The following TENM2 variants were observed in gnomAD, a reference collection of about 807,000 sequenced individuals.
TENM2 encodes the protein teneurin-2.
TENM2 carries 52 observed loss-of-function variants against 245.2 expected under a neutral mutation model. That is an observed-to-expected ratio of 0.21 (90% CI 0.17 to 0.27). TENM2 has a LOEUF of 0.27. Among genes scored for constraint, TENM2 ranks in the 10% least tolerant of loss-of-function variants. TENM2 has a pLI of 1.00. For synonymous variants in TENM2, 1,363 were observed against 1,438.9 expected (o/e 0.95, Z 1.19); for missense variants, 3,046 against 3,666.8 (o/e 0.83, Z 4.37).
At chr5:168,135,312 C>T (rs1754950784) in intron 12 of TENM2, among the ~76,000 whole-genome samples, 1 of 152,198 alleles carries the variant, frequency 6.6e-6, no homozygotes, top group Non-Finnish European at 1.5e-5. Flanking sequence ...ATGTAAGCAG[C>T]AGACTTTATT....
intron 2 of TENM2, among the ~76,000 whole-genome samples, chr5:167,709,423 C>T (rs2150477049): frequency 6.6e-6 from 1 of 152,318 alleles, no homozygotes; most frequent in East Asian, 1.9e-4. Flanking sequence ...AACGTGTTGT[C>T]TCTTCCCTGA....
At chr5:167,165,792 ATACCTTT>A in the TENM2 span, among the ~76,000 whole-genome samples, 1 of 152,220 alleles carries the variant, frequency 6.6e-6, no homozygotes, top group Admixed American at 6.5e-5. Flanking sequence ...ACAAATAATC[ATACCTTT>A]TATAAAAGTT....
intron 2 of TENM2, among the ~76,000 whole-genome samples, chr5:167,727,090 G>A (rs1449542817): frequency 1.4e-5 from 2 of 146,412 alleles, no homozygotes; most frequent in East Asian, 2.1e-4. Context: ...AATCAGTAAT[G>A]AATCCATTAA....
At chr5:167,767,870 A>T (rs1191990976) in intron 2 of TENM2, among the ~76,000 whole-genome samples, 2 of 152,208 alleles carry the variant, frequency 1.3e-5, no homozygotes, top group Non-Finnish European at 2.9e-5. Context: ...TTTAAGCTTG[A>T]TGTCTTGGTG....
chr5:167,193,760 T>G, the TENM2 span, among the ~76,000 whole-genome samples: 1 of 151,902 alleles, frequency 6.6e-6, no homozygotes, highest in African/African-American at 2.4e-5. Context: ...ATGAAGATGG[T>G]AAGAGTAATG....
the TENM2 span, among the ~76,000 whole-genome samples, chr5:167,034,313 C>G: frequency 6.6e-6 from 1 of 152,106 alleles, no homozygotes; most frequent in Non-Finnish European, 1.5e-5. Context: ...CAAAAGATAG[C>G]TAAGAGAAAA....
At chr5:168,225,971 G>T (rs925665637) in intron 23 of TENM2, 117 bp from the exon 26 acceptor site, 5 of 888,996 alleles carry the variant, frequency 5.6e-6, no homozygotes, top group Non-Finnish European at 8.5e-6. Context: ...AGTGAGATGC[G>T]CCACCCAGCC....
the TENM2 span, among the ~76,000 whole-genome samples, chr5:167,256,709 A>G: frequency 6.6e-6 from 1 of 152,164 alleles, no homozygotes; most frequent in Admixed American, 6.6e-5. Flanking sequence ...ATATGGAAAT[A>G]TAAGTAGGGA....
intron 3 of TENM2, among the ~76,000 whole-genome samples, chr5:167,928,295 C>T (rs1777917014): frequency 6.6e-6 from 1 of 152,118 alleles, no homozygotes; most frequent in Non-Finnish European, 1.5e-5. Context: ...TTCTCAAGGC[C>T]CTCAAAACCC....
rs1768176215 is a variant in TENM2 at position 167,828,463 on chromosome 5, G to A, written c.503-47523G>A. ...TTATAATTTTCCTTCTCTTGCACTA[G>A]GATCATGCCCATAAAGGCAGCAACT... On this transcript the variant is annotated intron_variant, in intron 2 of 28. Coordinates refer to ENST00000518659, the Ensembl canonical transcript of TENM2. Among the ~76,000 whole-genome samples the A allele has an allele frequency of 2.0e-5, 3 of 152,262 alleles. No homozygotes were observed. The South Asian group carries it at 6.2e-4, about 32-fold the overall frequency.
At chr5:168,119,754 G>T (rs555097097) in intron 10 of TENM2, among the ~76,000 whole-genome samples, 1 of 152,174 alleles carries the variant, frequency 6.6e-6, no homozygotes, top group South Asian at 2.1e-4. Context: ...TCCCTCCCAT[G>T]TCCCCAACAG....
At chr5:168,135,508 C>T (rs1754971830) in intron 12 of TENM2, among the ~76,000 whole-genome samples, 1 of 152,136 alleles carries the variant, frequency 6.6e-6, no homozygotes, top group South Asian at 2.1e-4. Flanking sequence ...TCCTTTTCAC[C>T]ATGCACTTAT....
At chr5:167,483,899 G>A (rs2127532596) in intron 2 of TENM2, among the ~76,000 whole-genome samples, 1 of 152,314 alleles carries the variant, frequency 6.6e-6, no homozygotes, top group Non-Finnish European at 1.5e-5. Context: ...AGCTCTGAAA[G>A]TTTGGCAGTT....
chr5:167,556,421 C>CATATATATAT (rs4044320), intron 2 of TENM2, among the ~76,000 whole-genome samples: 87 of 146,672 alleles, frequency 5.9e-4, no homozygotes, highest in East Asian at 1.2e-3. Flanking sequence ...TGTATACTTA[C>CATATATATAT]ATATATATAT....
chr5:168,130,766 G>T (rs1035882509), intron 12 of TENM2, among the ~76,000 whole-genome samples: 1 of 152,146 alleles, frequency 6.6e-6, no homozygotes, highest in Admixed American at 6.5e-5. Context: ...GTACGTGCCT[G>T]TAGTCCCAGC....
At chr5:168,058,905 A>G (rs1789793888) in intron 6 of TENM2, among the ~76,000 whole-genome samples, 1 of 152,048 alleles carries the variant, frequency 6.6e-6, no homozygotes, top group Non-Finnish European at 1.5e-5. Context: ...AGTTAGAACT[A>G]TTGTTCCCAT....
At chr5:168,236,955 TATATATATATATATATATATATA>T (rs1562318523) in intron 25 of TENM2, among the ~76,000 whole-genome samples, 1 of 4,142 alleles carries the variant, frequency 2.4e-4, no homozygotes, top group Non-Finnish European at 7.6e-4. Flanking sequence ...TATATATATA[TATATATATATATATATATATATA>T]TATATATATA....
At chr5:167,022,721 C>T in the TENM2 span, among the ~76,000 whole-genome samples, 673 of 152,146 alleles carry the variant, frequency 4.4e-3, 7 homozygotes, top group African/African-American at 0.014. Flanking sequence ...ATGCAGCTGC[C>T]CCTCCCTTTA....
chr5:167,312,561 A>G (rs1413157535), intron 1 of TENM2, among the ~76,000 whole-genome samples: 25 of 152,130 alleles, frequency 1.6e-4, no homozygotes, highest in Admixed American at 1.6e-3. Flanking sequence ...ACAACAAATC[A>G]TTCCTAGGGA....
Sources: allele counts gnomAD v4.1 joint callset (sites outside exome capture counted in the v4.1 genomes callset), GRCh38; gene constraint gnomAD v4.1.1; transcripts MANE v1.5; gene names NCBI Gene and HGNC (gene_info 2026-07-23, HGNC 2026-07-21).